Variants in ZMYM4 observed in about 807,000 individuals in gnomAD.
ZMYM4 encodes zinc finger MYM-type containing 4.
Under a neutral mutation model 183.2 loss-of-function variants are expected in ZMYM4, and 31 were observed. The ratio of observed to expected loss-of-function variants is 0.17; its 90% CI spans 0.13 to 0.23. ZMYM4 has a LOEUF of 0.23. Among genes scored for constraint, ZMYM4 ranks in the 10% least tolerant of loss-of-function variants. ZMYM4 has a pLI of 1.00. For missense variants in ZMYM4, 1,273 were observed against 1,840.3 expected (o/e 0.69, Z 5.64); for synonymous variants, 592 against 631.2 (o/e 0.94, Z 0.93).
chr1:35,389,314 A>C lies in ZMYM4; in HGVS notation c.2436+232A>C, dbSNP rs1644649048. On this transcript the variant is annotated intron_variant, in intron 14 of 29. Transcript: ENST00000314607. This position sits in a 1 kb window ranked among gnomAD's most constrained non-coding sequence, Gnocchi z 4.0. ...TCAGTCTTAAGACATTAAAATATTT[A>C]AACTTATAATTTTATTCACTTATTA... Among the ~76,000 whole-genome samples the C allele has an allele frequency of 6.6e-6, 1 of 152,198 alleles. No individual in the cohort carries two copies. The highest frequency in any genetic ancestry group is 2.1e-4 in the South Asian group (1 of 4,834).
At chr1:35,335,923 G>A (rs755659260) in intron 2 of ZMYM4, among the ~76,000 whole-genome samples, 6 of 152,088 alleles carry the variant, frequency 3.9e-5, no homozygotes, top group Admixed American at 2.0e-4. Flanking sequence ...GCGAGACTCC[G>A]TCTCAAAAAA....
chr1:35,282,080 A>C (rs930803499), intron 1 of ZMYM4, among the ~76,000 whole-genome samples: 5 of 152,212 alleles, frequency 3.3e-5, no homozygotes, highest in African/African-American at 1.2e-4. Context: ...TGGCTATTGT[A>C]AGTAATGTTG....
At chr1:35,369,510 T>C (rs1206201649) in intron 5 of ZMYM4, among the ~76,000 whole-genome samples, 3 of 152,002 alleles carry the variant, frequency 2.0e-5, no homozygotes, top group Admixed American at 2.0e-4. Flanking sequence ...GTTCAAATGA[T>C]TCAAATGAGC....
At chr1:35,326,835 A>G (rs12038650) in intron 2 of ZMYM4, among the ~76,000 whole-genome samples, 14,402 of 152,194 alleles carry the variant, frequency 0.095, 1,852 homozygotes, top group African/African-American at 0.29. Context: ...CTCCACATAA[A>G]TAATAGCCCT....
chr1:35,282,979 GGTTTTTTT>G (rs1640255167), intron 1 of ZMYM4, among the ~76,000 whole-genome samples: 1 of 43,240 alleles, frequency 2.3e-5, no homozygotes, highest in Admixed American at 2.5e-4. Flanking sequence ...CTGTGTGTGT[GGTTTTTTT>G]TTTTTTTTTT....
intron 5 of ZMYM4, among the ~76,000 whole-genome samples, chr1:35,368,560 G>C (rs1644141508): frequency 6.6e-6 from 1 of 152,050 alleles, no homozygotes; most frequent in Non-Finnish European, 1.5e-5. Context: ...ACTTTTAAAT[G>C]GTGTTTTTTT....
intron 1 of ZMYM4, among the ~76,000 whole-genome samples, chr1:35,281,645 A>G (rs1640165114): frequency 8.3e-6 from 1 of 120,036 alleles, no homozygotes; most frequent in South Asian, 2.9e-4. Flanking sequence ...CTTCTCAAAA[A>G]GCAAATCATA....
rs775665828 is a variant in ZMYM4, at chr1:35,359,408, TGGATTCAA to T, written c.572_579del (p.Asp191ValfsTer7). ...CGGTTGGATAAACCCCATAAAGATT[TGGATTCAA>T]GGTTGAAAAGCAGTTTTTTTGATAA... is the stretch of plus-strand genomic sequence containing the variant. On this transcript the variant is annotated frameshift_variant, in exon 3 of 30. Transcript: ENST00000314607. LOFTEE classifies it high-confidence loss of function. 1 of 1,575,650 alleles carries T rather than the reference TGGATTCAA, an allele frequency of 6.3e-7. No homozygotes were observed. The highest frequency in any genetic ancestry group is 1.4e-5 in the African/African-American group (1 of 72,484).
chr1:35,381,210 A>T lies in ZMYM4; in HGVS notation c.1182-49A>T, dbSNP rs1441152689. On this transcript the variant is annotated intron_variant, in intron 7 of 29. Coordinates refer to ENST00000314607, the MANE Select transcript of ZMYM4 (RefSeq NM_005095.3). ...AGTTATTTTAGCTCACAGAAAGGAA[A>T]AAGAAATGAATTATACCATGGCTTA... 2.8e-6 allele frequency: 4 copies of T among 1,433,336 alleles called. No homozygotes were observed. In the African/African-American group the frequency reaches 4.3e-5, roughly 15 times the overall value. 88.8% of individuals were successfully genotyped at this position (1,433,336 alleles called of 1,614,324 possible).
intron 1 of ZMYM4, among the ~76,000 whole-genome samples, chr1:35,293,241 A>G (rs1367716463): frequency 2.6e-5 from 4 of 151,610 alleles, no homozygotes; most frequent in African/African-American, 4.8e-5. Context: ...CTGGGCTCAA[A>G]TGATCCTCCT....
intron 2 of ZMYM4, among the ~76,000 whole-genome samples, chr1:35,353,064 T>A (rs957471349): frequency 3.9e-5 from 6 of 152,242 alleles, no homozygotes; most frequent in Non-Finnish European, 8.8e-5. Context: ...GGTCCTCCCT[T>A]AGTGTTCCTA....
At chr1:35,396,417 T>C in intron 18 of ZMYM4, 135 bp from the exon 19 acceptor site, 4 of 1,229,418 alleles carry the variant, frequency 3.3e-6, no homozygotes, top group Non-Finnish European at 4.4e-6. Context: ...ATTTCTCCTT[T>C]GTAAGAAGTC....
At position 35,269,079 on chromosome 1, in the gene ZMYM4, A is replaced by G; in HGVS notation, c.33A>G (p.Arg11=). MAEREVESGP[R]KRFEQKSGAV... ...AGAGAGAGGTGGAGTCCGGCCCCCG[A>G]AAGAGGGTAGGTGAGGTGAGGCAGA... Residue 11 remains arginine (R), a synonymous_variant, in exon 1 of 30, where the codon CGA becomes CGG. Transcript: ENST00000314607. 2 of 1,549,102 alleles carry G rather than the reference A, an allele frequency of 1.3e-6. No homozygotes were observed. Among genetic ancestry groups the G allele is most frequent in the Non-Finnish European group, 1.7e-6 (2 of 1,146,584 alleles).
intron 23 of ZMYM4, among the ~76,000 whole-genome samples, chr1:35,402,546 G>A (rs1194844639): frequency 1.3e-5 from 2 of 152,026 alleles, no homozygotes; most frequent in African/African-American, 2.4e-5. Context: ...GAGCCTAGGG[G>A]GGGTCGAGGC....
At chr1:35,337,175 A>G (rs1423090667) in intron 2 of ZMYM4, among the ~76,000 whole-genome samples, 1 of 152,082 alleles carries the variant, frequency 6.6e-6, no homozygotes, top group Non-Finnish European at 1.5e-5. Flanking sequence ...CCTGGCCAAC[A>G]TGGTGAAACC....
At chr1:35,355,200 C>CTTTTTTTTTTTTTTTTTTTT (rs1013941289) in intron 2 of ZMYM4, among the ~76,000 whole-genome samples, 1 of 77,176 alleles carries the variant, frequency 1.3e-5, no homozygotes, top group African/African-American at 5.2e-5. Flanking sequence ...CGCCTGGCTT[C>CTTTTTTTTTTTTTTTTTTTT]TTTTTTTTTT....
At chr1:35,287,874 G>A (rs939294088) in intron 1 of ZMYM4, among the ~76,000 whole-genome samples, 3 of 152,136 alleles carry the variant, frequency 2.0e-5, no homozygotes, top group African/African-American at 4.8e-5. Flanking sequence ...AAAATGCTAG[G>A]ATTACAGACG....
chr1:35,372,468 G>A lies in ZMYM4; in HGVS notation c.1181+1841G>A, dbSNP rs75475295. Reference sequence around the variant, plus strand: ...AGATGTATTGTACAATATGGTGACTGTAGTTAATGATACATTGTATTCTTG... The same window carrying A: ...AGATGTATTGTACAATATGGTGACTATAGTTAATGATACATTGTATTCTTG... On this transcript the variant is annotated intron_variant, in intron 7 of 29. Coordinates refer to ENST00000314607, the MANE Select transcript of ZMYM4 (RefSeq NM_005095.3). Among the ~76,000 whole-genome samples, 1,241 of 152,268 alleles carry A rather than the reference G, an allele frequency of 8.2e-3. 20 individuals carry two copies. Among genetic ancestry groups the A allele is most frequent in the African/African-American group, 0.029 (1,191 of 41,542 alleles).
rs1639441669 is a variant in ZMYM4 at position 35,268,920 on chromosome 1, A to C, written c.-127A>C. The C allele has an allele frequency of 9.0e-7, 1 of 1,111,262 alleles. No individual in the cohort carries two copies. Among genetic ancestry groups the C allele is most frequent in the Non-Finnish European group, 1.2e-6 (1 of 862,640 alleles). The allele number at this position is 1,111,262 out of a possible 1,614,324, so 68.8% of individuals were successfully genotyped here. A position where few individuals can be genotyped will look rare whatever the true frequency, so the allele number is the denominator to read the frequency against. On this transcript the variant is annotated 5_prime_UTR_variant, in exon 1 of 30. Transcript: ENST00000314607. Reference sequence around the variant, plus strand: ...CCGCCCCCTCCCCACTCTCGGCGCAAGGCCCGGCCGGGTCCGGGGAAGCTG... The same window carrying C: ...CCGCCCCCTCCCCACTCTCGGCGCACGGCCCGGCCGGGTCCGGGGAAGCTG...
Sources: gnomAD v4.1 joint callset for allele counts (sites outside exome capture counted in the v4.1 genomes callset) on GRCh38, gnomAD v4.1.1 for gene constraint, Gnocchi (gnomAD v3.1) non-coding constraint, MANE v1.5 for transcripts, NCBI Gene and HGNC (gene_info 2026-07-23, HGNC 2026-07-21) for gene names.